Variants in PAX7 observed in about 807,000 individuals in gnomAD.
PAX7 encodes paired box protein Pax-7.
In PAX7, 18 loss-of-function variants were observed where a neutral mutation model predicts 50.7. The observed-to-expected ratio is 0.36, with a 90% CI of 0.25 to 0.53. PAX7 has a LOEUF of 0.53. Among genes scored for constraint, PAX7 ranks in the 20% least tolerant of loss-of-function variants. PAX7 has a pLI of 0.93. For missense variants in PAX7, 644 were observed against 702.9 expected (o/e 0.92, Z 0.95); for synonymous variants, 310 against 290.4 (o/e 1.07, Z -0.69).
intron 4 of PAX7, among the ~76,000 whole-genome samples, chr1:18,655,441 C>CAGGG (rs1346914006): frequency 6.6e-6 from 1 of 152,116 alleles, no homozygotes; most frequent in African/African-American, 2.4e-5. Flanking sequence ...GATGAGCTGG[C>CAGGG]AGGGAGGGGG....
intron 7 of PAX7, among the ~76,000 whole-genome samples, chr1:18,715,840 G>C (rs945808918): frequency 1.3e-5 from 2 of 152,188 alleles, no homozygotes; most frequent in Non-Finnish European, 2.9e-5. Context: ...GTGCCACCAG[G>C]GGCCAAGGTC....
chr1:18,687,036 G>A (rs545655705), intron 4 of PAX7, among the ~76,000 whole-genome samples: 49 of 151,764 alleles, frequency 3.2e-4, no homozygotes, highest in East Asian at 2.1e-3. Flanking sequence ...GATTACAGGC[G>A]CATACCACCA....
intron 5 of PAX7, among the ~76,000 whole-genome samples, chr1:18,693,997 C>T (rs564573769): frequency 6.6e-6 from 1 of 152,160 alleles, no homozygotes; most frequent in South Asian, 2.1e-4. Flanking sequence ...CCGCCTCCTG[C>T]GTCTTATTGA....
At chr1:18,705,872 G>A (rs563494518) in intron 7 of PAX7, among the ~76,000 whole-genome samples, 8 of 152,252 alleles carry the variant, frequency 5.3e-5, no homozygotes, top group South Asian at 2.1e-4. Context: ...ATGATGAATC[G>A]GAGAAGCTCA....
At chr1:18,687,267 T>C (rs2088990833) in intron 4 of PAX7, among the ~76,000 whole-genome samples, 2 of 152,106 alleles carry the variant, frequency 1.3e-5, no homozygotes, top group African/African-American at 2.4e-5. Flanking sequence ...TATCTTCATT[T>C]TTATAGCGGA....
At chr1:18,740,688 C>G (rs1383602861) in intron 8 of PAX7, among the ~76,000 whole-genome samples, 1 of 152,172 alleles carries the variant, frequency 6.6e-6, no homozygotes, top group East Asian at 1.9e-4. Flanking sequence ...AAAGGGATGC[C>G]TGCACTCCCA....
At chr1:18,655,945 G>T (rs890517353) in intron 4 of PAX7, among the ~76,000 whole-genome samples, 1 of 152,120 alleles carries the variant, frequency 6.6e-6, no homozygotes, top group Non-Finnish European at 1.5e-5. Context: ...AGGCGGAACA[G>T]CTTGGGGGTT....
At chr1:18,656,441 A>G (rs1358527813) in intron 4 of PAX7, among the ~76,000 whole-genome samples, 1 of 152,068 alleles carries the variant, frequency 6.6e-6, no homozygotes, top group Non-Finnish European at 1.5e-5. Context: ...CAGAGGTTGC[A>G]GCGAGCCGAG....
intron 6 of PAX7, among the ~76,000 whole-genome samples, chr1:18,701,509 A>ATT (rs3833995): frequency 3.4e-5 from 5 of 146,646 alleles, no homozygotes; most frequent in Admixed American, 1.4e-4. Context: ...TGTTGGAATC[A>ATT]TTTTTTTTTT....
chr1:18,694,865 A>G (rs555048648), intron 5 of PAX7, among the ~76,000 whole-genome samples: 54 of 152,354 alleles, frequency 3.5e-4, no homozygotes, highest in African/African-American at 1.3e-3. Context: ...AGAAGTGTTC[A>G]AACAAAAGCA....
chr1:18,659,293 G>T (rs1005306304), intron 4 of PAX7, among the ~76,000 whole-genome samples: 5 of 152,198 alleles, frequency 3.3e-5, no homozygotes, highest in African/African-American at 4.8e-5. Context: ...CTCAATAAAT[G>T]CTCCCTAACT....
chr1:18,684,128 G>A (rs1277221998), intron 4 of PAX7, among the ~76,000 whole-genome samples: 1 of 152,232 alleles, frequency 6.6e-6, no homozygotes, highest in Admixed American at 6.5e-5. Context: ...TGGGCAGAGG[G>A]CACAGCCTTT....
At position 18,687,583 on chromosome 1, in the gene PAX7, TG is replaced by T. The variant is rs2088995830; in HGVS notation, c.587-4166del. Among the ~76,000 whole-genome samples, 3 of 152,290 alleles carry T rather than the reference TG, an allele frequency of 2.0e-5. No homozygotes were observed. In the South Asian group the frequency reaches 6.2e-4, roughly 32 times the overall value. The stretch of plus-strand genomic sequence containing the variant: ...AAGGCTGGCACAGAGGTTTCTAAAA[TG>T]GGGGTCTCTTCCCCTGAGCTTGGCC... On this transcript the variant is annotated intron_variant, in intron 4 of 8. Coordinates refer to ENST00000420770, the MANE Select transcript of PAX7 (RefSeq NM_001135254.2).
intron 4 of PAX7, among the ~76,000 whole-genome samples, chr1:18,658,682 C>T (rs992586956): frequency 2.0e-5 from 3 of 152,176 alleles, no homozygotes; most frequent in East Asian, 1.9e-4. Flanking sequence ...GGCTTCTGCC[C>T]GGCTGACTAT....
At chr1:18,731,512 G>C (rs2089646635) in intron 7 of PAX7, among the ~76,000 whole-genome samples, 1 of 152,082 alleles carries the variant, frequency 6.6e-6, no homozygotes, top group African/African-American at 2.4e-5. Flanking sequence ...TGCATAATGG[G>C]AGTAATGATA....
At chr1:18,706,731 C>A (rs1003339820) in intron 7 of PAX7, among the ~76,000 whole-genome samples, 2 of 152,188 alleles carry the variant, frequency 1.3e-5, no homozygotes, top group Admixed American at 6.5e-5. Context: ...GATCCACCCA[C>A]CTTGGCCTCC....
rs145977161 is a variant in PAX7 at position 18,722,314 on chromosome 1, G to A, written c.1156-13318G>A. ...CCTTCCCCATATAACCCGAGGCATC[G>A]CCTTTCCAGCCTGCATCGCCAGCGA... On this transcript the variant is annotated intron_variant, in intron 7 of 8. Coordinates refer to ENST00000420770, the MANE Select transcript of PAX7 (RefSeq NM_001135254.2). Among the ~76,000 whole-genome samples the A allele has an allele frequency of 7.7e-3, 1,164 of 152,064 alleles. 11 individuals are homozygous for A. The highest frequency in any genetic ancestry group is 0.013 in the Non-Finnish European group (908 of 67,990).
intron 4 of PAX7, among the ~76,000 whole-genome samples, chr1:18,637,854 T>C (rs1210743226): frequency 1.3e-5 from 2 of 152,232 alleles, no homozygotes; most frequent in African/African-American, 4.8e-5. Flanking sequence ...GGGAGCCAGC[T>C]GTGCCGGGCG....
At position 18,692,027 on chromosome 1, in the gene PAX7, G is replaced by A. The variant is rs2089079057; in HGVS notation, c.786+74G>A. The A allele has an allele frequency of 6.2e-6, 9 of 1,455,842 alleles. No homozygotes were observed. The South Asian group carries it at 8.7e-5, about 14-fold the overall frequency. The allele number at this position is 1,455,842 out of a possible 1,614,324, so 90.2% of individuals were successfully genotyped here. A position where few individuals can be genotyped will look rare whatever the true frequency, so the allele number is the denominator to read the frequency against. On this transcript the variant is annotated intron_variant, in intron 5 of 8. Coordinates refer to ENST00000420770, the MANE Select transcript of PAX7 (RefSeq NM_001135254.2). ...CAGAAGTTTGGGATGGCCAAGGTCA[G>A]TGGGTTTAATGGGACCCCTCGGGGG...
Sources: allele counts gnomAD v4.1 joint callset (sites outside exome capture counted in the v4.1 genomes callset), GRCh38; gene constraint gnomAD v4.1.1; transcripts MANE v1.5; gene names NCBI Gene and HGNC (gene_info 2026-07-23, HGNC 2026-07-21).